Variants in WDR7 observed in about 807,000 individuals in gnomAD.
WDR7 encodes the protein WD repeat-containing protein 7.
WDR7 carries 46 observed loss-of-function variants against 169.4 expected under a neutral mutation model. That is an observed-to-expected ratio of 0.27 (90% CI 0.21 to 0.35). The LOEUF is 0.35. Among genes scored for constraint, WDR7 ranks in the 10% least tolerant of loss-of-function variants. WDR7 has a pLI of 1.00. For missense variants in WDR7, 1,534 were observed against 1,859.3 expected, an observed-to-expected ratio of 0.83 and a Z score of 3.22; for synonymous variants, 612 against 666.8, an observed-to-expected ratio of 0.92 and a Z score of 1.27.
intron 22 of WDR7, among the ~76,000 whole-genome samples, chr18:56,930,996 A>G (rs1218169560): frequency 6.6e-6 from 1 of 152,208 alleles, no homozygotes; most frequent in East Asian, 1.9e-4. Context: ...AGTTCTGTGA[A>G]GGGGGAGCTC....
intron 13 of WDR7, 87 bp from the exon 14 acceptor site, chr18:56,731,296 A>G: frequency 6.9e-7 from 1 of 1,459,738 alleles, no homozygotes; most frequent in Non-Finnish European, 9.1e-7. Context: ...TTTCTACTTA[A>G]AAAATTTTCA....
chr18:56,974,094 CAAATT>C (rs1319602102), intron 26 of WDR7, among the ~76,000 whole-genome samples: 1 of 152,136 alleles, frequency 6.6e-6, no homozygotes, highest in Non-Finnish European at 1.5e-5. Flanking sequence ...AGTGCACTGA[CAAATT>C]AAAGATACTT....
At chr18:56,978,597 C>T (rs556068987) in intron 26 of WDR7, among the ~76,000 whole-genome samples, 1 of 152,276 alleles carries the variant, frequency 6.6e-6, no homozygotes, top group South Asian at 2.1e-4. Flanking sequence ...CCCAGTATTT[C>T]CTTTATCTGA....
At chr18:56,936,881 A>C (rs1043634499) in intron 23 of WDR7, among the ~76,000 whole-genome samples, 1 of 152,328 alleles carries the variant, frequency 6.6e-6, no homozygotes, top group East Asian at 1.9e-4. Context: ...TAGATTTAAA[A>C]TGCACATATG....
At chr18:56,827,667 A>G (rs1182365024) in intron 20 of WDR7, among the ~76,000 whole-genome samples, 1 of 152,164 alleles carries the variant, frequency 6.6e-6, no homozygotes, top group African/African-American at 2.4e-5. Flanking sequence ...CATAGTCAAA[A>G]TAATTTAGTT....
At chr18:56,764,472 T>C (rs2044030647) in intron 16 of WDR7, among the ~76,000 whole-genome samples, 1 of 152,180 alleles carries the variant, frequency 6.6e-6, no homozygotes, top group African/African-American at 2.4e-5. Context: ...TTGATACATG[T>C]GTACATTGTG....
chr18:56,835,478 A>G (rs1017882127), intron 20 of WDR7, among the ~76,000 whole-genome samples: 1 of 152,194 alleles, frequency 6.6e-6, no homozygotes, highest in Non-Finnish European at 1.5e-5. Context: ...GAAATATGCA[A>G]TTTTTAAATA....
chr18:56,707,148 T>A (rs2025977174), intron 12 of WDR7, among the ~76,000 whole-genome samples: 1 of 151,858 alleles, frequency 6.6e-6, no homozygotes. Flanking sequence ...ACCCAGCTAA[T>A]TTTTTTATGT....
At chr18:56,998,040 T>A (rs1340029225) in intron 26 of WDR7, among the ~76,000 whole-genome samples, 1 of 152,210 alleles carries the variant, frequency 6.6e-6, no homozygotes, top group Non-Finnish European at 1.5e-5. Flanking sequence ...GCTTTCTTTA[T>A]GTTCTGTGCA....
intron 20 of WDR7, among the ~76,000 whole-genome samples, chr18:56,821,843 T>A (rs982034404): frequency 2.6e-5 from 4 of 151,042 alleles, no homozygotes; most frequent in Non-Finnish European, 5.9e-5. Context: ...AAAAAAAAAA[T>A]TAAAAGTTAG....
chr18:56,835,369 G>A (rs1433677999), intron 20 of WDR7, among the ~76,000 whole-genome samples: 1 of 152,212 alleles, frequency 6.6e-6, no homozygotes, highest in Non-Finnish European at 1.5e-5. Context: ...AGTGGACAGT[G>A]TAGGTCTATA....
At chr18:56,911,608 G>A (rs1428201736) in intron 21 of WDR7, among the ~76,000 whole-genome samples, 1 of 152,056 alleles carries the variant, frequency 6.6e-6, no homozygotes, top group Non-Finnish European at 1.5e-5. Flanking sequence ...ACTTATCTGG[G>A]GTCTTTGACT....
intron 19 of WDR7, among the ~76,000 whole-genome samples, chr18:56,799,450 T>A (rs1395557869): frequency 1.3e-5 from 2 of 152,040 alleles, no homozygotes; most frequent in Non-Finnish European, 2.9e-5. Flanking sequence ...ACTATGACAT[T>A]TTAATACTTG....
intron 26 of WDR7, among the ~76,000 whole-genome samples, chr18:57,014,007 A>C (rs2048173415): frequency 6.6e-6 from 1 of 152,202 alleles, no homozygotes; most frequent in South Asian, 2.1e-4. Context: ...ATCTGATCTA[A>C]TTCCAGTACT....
intron 22 of WDR7, among the ~76,000 whole-genome samples, chr18:56,933,108 C>G (rs2046912990): frequency 6.6e-6 from 1 of 152,136 alleles, no homozygotes; most frequent in Admixed American, 6.5e-5. Context: ...CACTGTAACT[C>G]TTGTCCTGCA....
At chr18:56,942,022 AGTTCTTTCCCTGCTTT>A (rs1184434204) in intron 25 of WDR7, among the ~76,000 whole-genome samples, 2 of 152,160 alleles carry the variant, frequency 1.3e-5, no homozygotes, top group Non-Finnish European at 2.9e-5. Flanking sequence ...TGGTAGGTGG[AGTTCTTTCCCTGCTTT>A]GTTATCAGTC....
chr18:56,779,320 T>C (rs1035854723), intron 17 of WDR7, 111 bp from the exon 18 acceptor site: 7 of 685,974 alleles, frequency 1.0e-5, no homozygotes, highest in African/African-American at 7.2e-5. Flanking sequence ...ATTTGTAATA[T>C]AACTTAGCAG....
chr18:56,997,567 G>A (rs574106162), intron 26 of WDR7, among the ~76,000 whole-genome samples: 8 of 152,312 alleles, frequency 5.3e-5, no homozygotes, highest in African/African-American at 1.9e-4. Context: ...ACCAAAGGAG[G>A]TAGGGAAAAG....
intron 27 of WDR7, among the ~76,000 whole-genome samples, chr18:57,021,120 T>C (rs2048283277): frequency 6.6e-6 from 1 of 152,150 alleles, no homozygotes; most frequent in Non-Finnish European, 1.5e-5. Flanking sequence ...GCAATTATGG[T>C]CCCAGGGGAG....
Sources: gnomAD v4.1 joint callset for allele counts (sites outside exome capture counted in the v4.1 genomes callset) on GRCh38, gnomAD v4.1.1 for gene constraint, MANE v1.5 for transcripts, NCBI Gene and HGNC (gene_info 2026-07-23, HGNC 2026-07-21) for gene names.